The following SLC14A2 variants were observed in gnomAD, a reference collection of about 807,000 sequenced individuals.
SLC14A2 encodes the protein solute carrier family 14 member 2.
Under a neutral mutation model 104.6 loss-of-function variants are expected in SLC14A2, and 91 were observed. That is an observed-to-expected ratio of 0.87 (90% CI 0.73 to 1.04). The LOEUF is 1.04. Among genes scored for constraint, SLC14A2 ranks in the 50% least tolerant of loss-of-function variants. The pLI, the probability that SLC14A2 is intolerant of heterozygous loss-of-function variation, is 0.00. For synonymous variants in SLC14A2, 476 were observed against 466.4 expected (o/e 1.02, Z -0.27); for missense variants, 1,189 against 1,156.0 (o/e 1.03, Z -0.41).
At chr18:45,381,646 C>G (rs1362578503) in intron 1 of SLC14A2, among the ~76,000 whole-genome samples, 1 of 152,216 alleles carries the variant, frequency 6.6e-6, no homozygotes, top group Non-Finnish European at 1.5e-5. Context: ...AATAGACTGA[C>G]TGGGAACAAA....
At chr18:45,258,302 C>A (rs1261042639) in intron 1 of SLC14A2, among the ~76,000 whole-genome samples, 1 of 142,200 alleles carries the variant, frequency 7.0e-6, no homozygotes, top group Admixed American at 6.8e-5. Context: ...AGGAGCCTAC[C>A]ATAACCCAGG....
chr18:45,260,064 T>C (rs1190991656), intron 1 of SLC14A2, among the ~76,000 whole-genome samples: 1 of 152,204 alleles, frequency 6.6e-6, no homozygotes, highest in African/African-American at 2.4e-5. Context: ...GTTCTAGCAC[T>C]AGAGAATTTT....
chr18:45,186,534 T>C, the SLC14A2 span, among the ~76,000 whole-genome samples: 5 of 152,210 alleles, frequency 3.3e-5, no homozygotes, highest in African/African-American at 9.7e-5. Flanking sequence ...TTTTAACTCA[T>C]GCACATAGAC....
At chr18:45,640,770 A>T (rs2144553207) in intron 7 of SLC14A2, among the ~76,000 whole-genome samples, 1 of 152,252 alleles carries the variant, frequency 6.6e-6, no homozygotes, top group Middle Eastern at 3.4e-3. Flanking sequence ...TTCACATCTT[A>T]CTCCTTCTGC....
At chr18:45,650,912 T>A (rs4890564) in intron 10 of SLC14A2, among the ~76,000 whole-genome samples, 6 of 1,872 alleles carry the variant, frequency 3.2e-3, no homozygotes, top group African/African-American at 8.5e-3. Context: ...GCTTTTTTTT[T>A]ATTTTTAGCA....
chr18:45,174,099 C>T, the SLC14A2 span, among the ~76,000 whole-genome samples: 3 of 152,202 alleles, frequency 2.0e-5, no homozygotes, highest in Admixed American at 6.5e-5. Context: ...TTCCCTCCCA[C>T]CCCAGGGCAG....
At chr18:45,637,239 G>A (rs2045433150) in intron 6 of SLC14A2, 57 bp downstream of exon 6, 5 of 1,426,022 alleles carry the variant, frequency 3.5e-6, no homozygotes, top group Non-Finnish European at 4.9e-6. Flanking sequence ...AGACCTTCTC[G>A]CCAACCAATT....
chr18:45,457,945 G>A (rs1293531012), intron 1 of SLC14A2, among the ~76,000 whole-genome samples: 1 of 152,206 alleles, frequency 6.6e-6, no homozygotes, highest in African/African-American at 2.4e-5. Flanking sequence ...CAAGAATCAG[G>A]GAGGAAAGTT....
Position 45,634,782 on chromosome 18 carries a change from G to T in SLC14A2, c.651-2208G>T, listed in dbSNP as rs565226193. The T allele has an allele frequency of 9.3e-4, 425 of 456,570 alleles. 1 individual carries two copies. The highest frequency in any genetic ancestry group is 8.0e-3 in the African/African-American group (403 of 50,172). 28.3% of individuals were successfully genotyped at this position (456,570 alleles called of 1,614,324 possible). On this transcript the variant is annotated intron_variant, in intron 5 of 19. Transcript: ENST00000255226. Reference sequence around the variant, plus strand: ...AGAGAGTTTTAGGCAGAGATGTGATGGGATATGGTTTAAATCTAAACAAAT... The same window carrying T: ...AGAGAGTTTTAGGCAGAGATGTGATTGGATATGGTTTAAATCTAAACAAAT...
the SLC14A2 span, among the ~76,000 whole-genome samples, chr18:45,204,337 T>TAAATGG: frequency 6.6e-6 from 1 of 152,166 alleles, no homozygotes; most frequent in African/African-American, 2.4e-5. Flanking sequence ...GAATGGCCGT[T>TAAATGG]AAATGGAAAC....
intron 2 of SLC14A2, among the ~76,000 whole-genome samples, chr18:45,601,975 G>T (rs970518526): frequency 6.6e-6 from 1 of 152,242 alleles, no homozygotes; most frequent in Non-Finnish European, 1.5e-5. Flanking sequence ...TCGGGTGAGG[G>T]CATGTACGGT....
chr18:45,275,887 T>C (rs1009611448), intron 1 of SLC14A2, among the ~76,000 whole-genome samples: 1 of 152,230 alleles, frequency 6.6e-6, no homozygotes, highest in African/African-American at 2.4e-5. Context: ...ATGCAGGTCA[T>C]TGAGAAATGC....
At chr18:45,513,350 C>T (rs1312153917) in intron 2 of SLC14A2, among the ~76,000 whole-genome samples, 1 of 152,154 alleles carries the variant, frequency 6.6e-6, no homozygotes, top group African/African-American at 2.4e-5. Flanking sequence ...TCATTTTAAG[C>T]CTTATCGCCC....
intron 1 of SLC14A2, among the ~76,000 whole-genome samples, chr18:45,399,645 A>G (rs1302572563): frequency 3.3e-5 from 5 of 152,038 alleles, no homozygotes; most frequent in Non-Finnish European, 7.4e-5. Flanking sequence ...AGAAGGAAGA[A>G]TACATATTAT....
chr18:45,498,175 A>G (rs1174763706), intron 2 of SLC14A2, among the ~76,000 whole-genome samples: 3 of 152,270 alleles, frequency 2.0e-5, no homozygotes, highest in Non-Finnish European at 4.4e-5. Flanking sequence ...AATGCAATAT[A>G]TCTGTACATT....
intron 2 of SLC14A2, among the ~76,000 whole-genome samples, chr18:45,602,977 T>A (rs962887314): frequency 1.3e-5 from 2 of 152,182 alleles, no homozygotes; most frequent in African/African-American, 4.8e-5. Flanking sequence ...AAATAACCCA[T>A]CAATTTAGTT....
chr18:45,565,459 C>T (rs184911971), intron 2 of SLC14A2, among the ~76,000 whole-genome samples: 1 of 152,224 alleles, frequency 6.6e-6, no homozygotes, highest in African/African-American at 2.4e-5. Flanking sequence ...CATGCATGTG[C>T]ATATGTTGTG....
chr18:45,339,083 T>C (rs943942002), intron 1 of SLC14A2, among the ~76,000 whole-genome samples: 1 of 152,100 alleles, frequency 6.6e-6, no homozygotes, highest in African/African-American at 2.4e-5. Context: ...ATTACAGGTG[T>C]GTGCCACCAT....
chr18:45,289,520 G>A (rs537231594), intron 1 of SLC14A2, among the ~76,000 whole-genome samples: 20 of 152,142 alleles, frequency 1.3e-4, no homozygotes, highest in Non-Finnish European at 2.8e-4. Context: ...CTCTAATGAA[G>A]CACAGGCCAA....
Sources: allele counts gnomAD v4.1 joint callset (sites outside exome capture counted in the v4.1 genomes callset), GRCh38; gene constraint gnomAD v4.1.1; transcripts MANE v1.5; gene names NCBI Gene and HGNC (gene_info 2026-07-23, HGNC 2026-07-21).